The following APOL5 variants were observed in gnomAD, a reference collection of about 807,000 sequenced individuals.
APOL5 encodes apolipoprotein L, 5.
In APOL5, 29 loss-of-function variants were observed where a neutral mutation model predicts 35.5. The ratio of observed to expected loss-of-function variants is 0.82; its 90% CI spans 0.61 to 1.11. The LOEUF (loss-of-function observed/expected upper bound fraction) is 1.11. Among genes scored for constraint, APOL5 ranks in the 50% most tolerant of loss-of-function variants. APOL5 has a pLI of 0.00. For missense variants in APOL5, 514 were observed against 530.4 expected (o/e 0.97, Z 0.30); for synonymous variants, 188 against 200.2 (o/e 0.94, Z 0.51).
At chr22:35,712,205 C>T in the APOL5 span, among the ~76,000 whole-genome samples, 1,564 of 152,022 alleles carry the variant, frequency 0.01, 27 homozygotes, top group Middle Eastern at 0.068. Context: ...GACAGGGTCT[C>T]TCTATGTTGC....
At chr22:35,713,700 G>A (rs1926657702), upstream of APOL5, among the ~76,000 whole-genome samples, 1 of 152,174 alleles carries the variant, frequency 6.6e-6, no homozygotes, top group Non-Finnish European at 1.5e-5. Context: ...GGGATCCTCA[G>A]AGATACCATG....
chr22:35,722,407 A>G (rs1927003685), intron 2 of APOL5, among the ~76,000 whole-genome samples: 1 of 152,038 alleles, frequency 6.6e-6, no homozygotes, highest in South Asian at 2.1e-4. Context: ...GGTTCACGTG[A>G]TTCTCCTGCC....
Position 35,728,378 on chromosome 22 carries a change from G to T in APOL5, c.1127-345G>T, listed in dbSNP as rs907902516. 7.2e-4 allele frequency among the ~76,000 whole-genome samples: 109 copies of T among 152,070 alleles called. 1 individual carries two copies. The highest frequency in any genetic ancestry group is 2.4e-4 in the Non-Finnish European group (16 of 68,020). On this transcript the variant is annotated intron_variant, in intron 3 of 4. Coordinates refer to ENST00000249044, the MANE Select transcript of APOL5 (RefSeq NM_030642.1). ...AGCTGGGACTACAGGCGCCCGCCAC[G>T]ACGCCTGGCTAATTTTTTGTATTTT... is the stretch of plus-strand genomic sequence containing the variant.
At chr22:35,711,595 T>A in the APOL5 span, among the ~76,000 whole-genome samples, 11 of 55,644 alleles carry the variant, frequency 2.0e-4, no homozygotes, top group East Asian at 3.8e-3. Context: ...TATTTCACCA[T>A]GTTTTTCCTT....
At chr22:35,725,264 G>GT (rs1435250271) in intron 2 of APOL5, among the ~76,000 whole-genome samples, 4 of 151,804 alleles carry the variant, frequency 2.6e-5, no homozygotes, top group Admixed American at 6.6e-5. Context: ...TTTTTGTTTT[G>GT]TTTTTTTGTT....
At chr22:35,723,091 G>T (rs1569152331) in intron 2 of APOL5, among the ~76,000 whole-genome samples, 1 of 152,304 alleles carries the variant, frequency 6.6e-6, no homozygotes, top group East Asian at 1.9e-4. Flanking sequence ...CCCAGGGCTG[G>T]TCCACTTGAG....
chr22:35,722,105 G>T (rs1926990386), intron 2 of APOL5, among the ~76,000 whole-genome samples: 1 of 152,072 alleles, frequency 6.6e-6, no homozygotes, highest in Non-Finnish European at 1.5e-5. Flanking sequence ...CCCCAAAAAA[G>T]GCATTGACTT....
chr22:35,717,255 T>TATA (rs1167745529), upstream of APOL5, among the ~76,000 whole-genome samples: 1 of 123,152 alleles, frequency 8.1e-6, no homozygotes, highest in Non-Finnish European at 1.7e-5. Context: ...TATATATATA[T>TATA]TAGCTGGGTG....
the APOL5 span, among the ~76,000 whole-genome samples, chr22:35,709,574 TG>T: frequency 6.6e-6 from 1 of 152,238 alleles, no homozygotes; most frequent in Non-Finnish European, 1.5e-5. Context: ...CCATTTTTCC[TG>T]GGACCTAGTG....
At chr22:35,722,968 CAG>C (rs1289978280) in intron 2 of APOL5, among the ~76,000 whole-genome samples, 2 of 152,250 alleles carry the variant, frequency 1.3e-5, no homozygotes, top group African/African-American at 4.8e-5. Flanking sequence ...CCTAGGTTTA[CAG>C]AGATGTTCAC....
chr22:35,727,099 C>T lies in APOL5; in HGVS notation c.1031C>T (p.Thr344Ile). 6.2e-7 allele frequency: 1 copy of T among 1,611,174 alleles called. No homozygotes were observed. The change falls in exon 3 of 5, where the codon ACC becomes ATC. Residue 344 changes from threonine (T) to isoleucine (I), a missense_variant. This residue lies in a region of APOL5 where 238 missense variants were observed against 229.1 expected (regional missense o/e 1.04). Coordinates refer to ENST00000249044, the MANE Select transcript of APOL5 (RefSeq NM_030642.1). ...KKLEQELDRL[T>I]QHHRHLPQKA... ...CTGGAGCAGGAGCTGGACCGGCTCA[C>T]CCAGCACCACCGGCACCTGCCGCAG...
chr22:35,717,235 A>AAAAAAAAATATAT, upstream of APOL5, among the ~76,000 whole-genome samples: 3 of 57,662 alleles, frequency 5.2e-5, no homozygotes, highest in Admixed American at 1.8e-4. Flanking sequence ...AAAAAAAAAA[A>AAAAAAAAATATAT]ATATATATAT....
chr22:35,713,544 G>C (rs562433009), upstream of APOL5, among the ~76,000 whole-genome samples: 1 of 152,102 alleles, frequency 6.6e-6, no homozygotes, highest in African/African-American at 2.4e-5. Context: ...TTCCCATCTC[G>C]GAGTCACCAG....
upstream of APOL5, among the ~76,000 whole-genome samples, chr22:35,717,349 C>T (rs577151789): frequency 2.7e-5 from 4 of 146,320 alleles, no homozygotes; most frequent in East Asian, 2.0e-4. Flanking sequence ...TGCAGTGAGC[C>T]GAGATTGTGT....
chr22:35,717,235 AAT>A (rs1555930034), upstream of APOL5, among the ~76,000 whole-genome samples: 11 of 57,664 alleles, frequency 1.9e-4, no homozygotes, highest in African/African-American at 8.0e-4. Context: ...AAAAAAAAAA[AAT>A]ATATATATAT....
At position 35,726,738 on chromosome 22, in the gene APOL5, G is replaced by A. The variant is rs377216573; in HGVS notation, c.670G>A (p.Glu224Lys). ...CGGAGGAATAAATTGGTCTGAAATC[G>A]AGGCTGCTGGCTTTTGTGTTAATAA... Reference protein sequence around the residue: ...AFGGINWSEIEAAGFCVNKCV... With the variant: ...AFGGINWSEIKAAGFCVNKCV... Residue 224 changes from glutamate to lysine, a missense_variant, in exon 3 of 5, where the codon GAG becomes AAG. This residue lies in a region of APOL5 where 22 missense variants were observed against 46.6 expected (regional missense o/e 0.47). Transcript: ENST00000249044. The A allele has an allele frequency of 1.4e-5, 22 of 1,614,198 alleles. No individual in the cohort carries two copies. The African/African-American group carries it at 2.0e-4, about 15-fold the overall frequency.
rs1927277524 is a variant in APOL5, at chr22:35,729,028, C to T, written c.*6+124C>T. On this transcript the variant is annotated intron_variant, in intron 4 of 4. Coordinates refer to ENST00000249044, the MANE Select transcript of APOL5 (RefSeq NM_030642.1). ...TAACGGGGACAGAGGTTGTTGCTAC[C>T]TTTCCATCCGGCCACCTGCCACGCC... The T allele has an allele frequency of 2.6e-5, 30 of 1,146,606 alleles. No individual in the cohort carries two copies. In the South Asian group the frequency reaches 5.4e-4, roughly 21 times the overall value. 71.0% of individuals were successfully genotyped at this position (1,146,606 alleles called of 1,614,324 possible). A position where few individuals can be genotyped will look rare whatever the true frequency, so the allele number is the denominator to read the frequency against.
chr22:35,728,982 C>A (rs13053994), intron 4 of APOL5, 78 bp downstream of exon 4: 1 of 1,415,954 alleles, frequency 7.1e-7, no homozygotes, highest in Non-Finnish European at 9.3e-7. Flanking sequence ...GGGTGGGCTT[C>A]AGGGAAAGAG....
the APOL5 span, among the ~76,000 whole-genome samples, chr22:35,708,960 A>G: frequency 6.6e-6 from 1 of 152,198 alleles, no homozygotes; most frequent in Non-Finnish European, 1.5e-5. Context: ...ATGAACTTTA[A>G]TTTCCTTGGC....
Sources: gnomAD v4.1 joint callset for allele counts (sites outside exome capture counted in the v4.1 genomes callset) on GRCh38, gnomAD v4.1.1 for gene constraint, gnomAD v4.1.1 regional missense constraint, MANE v1.5 for transcripts, NCBI Gene and HGNC (gene_info 2026-07-23, HGNC 2026-07-21) for gene names.